Variants in SHISA9 observed in about 807,000 individuals in gnomAD.
SHISA9 encodes the protein shisa family member 9.
A neutral mutation model predicts 38.0 loss-of-function variants in SHISA9; 13 were observed. The ratio of observed to expected loss-of-function variants is 0.34; its 90% CI spans 0.22 to 0.54. The LOEUF is 0.54. SHISA9 is among the 20% of genes least tolerant of loss of function. The pLI, the probability that SHISA9 is intolerant of heterozygous loss-of-function variation, is 0.91. For missense variants in SHISA9, 538 were observed against 575.8 expected, an observed-to-expected ratio of 0.93 and a Z score of 0.67; for synonymous variants, 275 against 242.0, an observed-to-expected ratio of 1.14 and a Z score of -1.27.
At position 13,004,943 on chromosome 16, in the gene SHISA9, GA is replaced by G. The variant is rs59694628; in HGVS notation, c.691+88143del. 1.3e-3 allele frequency among the ~76,000 whole-genome samples: 134 copies of G among 103,758 alleles called. No individual in the cohort carries two copies. In the Middle Eastern group the frequency reaches 0.019, roughly 15 times the overall value. The allele number at this position is 103,758 out of a possible 152,430, so 68.1% of individuals were successfully genotyped here. A position where few individuals can be genotyped will look rare whatever the true frequency, so the allele number is the denominator to read the frequency against. ...GTAAGACTCCATCTCTTAAGAAAAA[GA>G]AAAAAAAAAAAAAAGAAAAAAAGAA... On this transcript the variant is annotated intron_variant, in intron 2 of 4. Transcript: ENST00000558583.
chr16:13,094,165 A>G (rs2073802997), intron 2 of SHISA9, among the ~76,000 whole-genome samples: 1 of 152,198 alleles, frequency 6.6e-6, no homozygotes, highest in Non-Finnish European at 1.5e-5. Context: ...AAAGGAGATA[A>G]GGTAAAGTAT....
rs74014606 is a variant in SHISA9 at position 13,218,438 on chromosome 16, G to T, written c.895+5138G>T. On this transcript the variant is annotated intron_variant, in intron 4 of 4. Transcript: ENST00000558583. ...TTTACATACCGGCGTTCTTCCCAATGTATTTTTGCTGTTTGCTGAAATAAA... is the reference window on the plus strand; with the variant it reads ...TTTACATACCGGCGTTCTTCCCAATTTATTTTTGCTGTTTGCTGAAATAAA... Among the ~76,000 whole-genome samples the T allele has an allele frequency of 3.0e-3, 461 of 152,316 alleles. 6 individuals are homozygous for T. The highest frequency in any genetic ancestry group is 0.011 in the African/African-American group (439 of 41,562).
intron 2 of SHISA9, among the ~76,000 whole-genome samples, chr16:13,196,087 CAAAAAAAAAAAA>C (rs1172680715): frequency 1.4e-4 from 2 of 14,122 alleles, no homozygotes; most frequent in Non-Finnish European, 2.3e-4. Context: ...GACTCTCTCT[CAAAAAAAAAAAA>C]AAAAAAAAAA....
chr16:13,084,595 G>A (rs1399517569), intron 2 of SHISA9, among the ~76,000 whole-genome samples: 1 of 152,188 alleles, frequency 6.6e-6, no homozygotes, highest in Non-Finnish European at 1.5e-5. Context: ...TTACAGTCCA[G>A]TGGGAAAGGC....
chr16:13,374,532 A>G, the SHISA9 span, among the ~76,000 whole-genome samples: 1 of 152,152 alleles, frequency 6.6e-6, no homozygotes, highest in African/African-American at 2.4e-5. Flanking sequence ...TCCATGGTGT[A>G]TATGTGCCAC....
the SHISA9 span, among the ~76,000 whole-genome samples, chr16:13,559,801 G>T: frequency 1.3e-5 from 2 of 152,210 alleles, no homozygotes; most frequent in Admixed American, 1.3e-4. Context: ...CAGAGTGGTT[G>T]TTCAATAAAT....
At chr16:13,558,255 C>G in the SHISA9 span, among the ~76,000 whole-genome samples, 1 of 152,150 alleles carries the variant, frequency 6.6e-6, no homozygotes, top group South Asian at 2.1e-4. Flanking sequence ...TCTCTAAAAT[C>G]CTTTCTAGCA....
the SHISA9 span, among the ~76,000 whole-genome samples, chr16:13,293,966 G>A: frequency 6.6e-6 from 1 of 152,066 alleles, no homozygotes; most frequent in Non-Finnish European, 1.5e-5. Flanking sequence ...GAAGGGTTGG[G>A]GTACCCAGCT....
the SHISA9 span, among the ~76,000 whole-genome samples, chr16:13,380,919 G>A: frequency 2.0e-5 from 3 of 150,596 alleles, no homozygotes; most frequent in Non-Finnish European, 4.4e-5. Flanking sequence ...AACATGTAGT[G>A]TTTGGTTTTC....
chr16:13,306,048 G>C, the SHISA9 span, among the ~76,000 whole-genome samples: 1 of 152,190 alleles, frequency 6.6e-6, no homozygotes, highest in East Asian at 1.9e-4. Context: ...GCAAGGTACA[G>C]AGGTGGCAGA....
At chr16:13,314,531 C>T in the SHISA9 span, among the ~76,000 whole-genome samples, 4 of 152,078 alleles carry the variant, frequency 2.6e-5, no homozygotes, top group East Asian at 3.9e-4. Context: ...TGAACCACCA[C>T]GCCCAGCCTA....
chr16:13,221,052 G>T (rs752038109), intron 4 of SHISA9, among the ~76,000 whole-genome samples: 1 of 151,106 alleles, frequency 6.6e-6, no homozygotes, highest in East Asian at 1.9e-4. Flanking sequence ...AAAAATCACA[G>T]TACCACCGCC....
At chr16:13,189,904 A>T (rs1322309111) in intron 2 of SHISA9, among the ~76,000 whole-genome samples, 1 of 152,058 alleles carries the variant, frequency 6.6e-6, no homozygotes, top group Non-Finnish European at 1.5e-5. Context: ...ACAAAGGAAG[A>T]CTACACGATA....
At chr16:13,539,318 AAAGACAG>A in the SHISA9 span, among the ~76,000 whole-genome samples, 2,545 of 69,282 alleles carry the variant, frequency 0.037, 239 homozygotes, top group Non-Finnish European at 0.046. Flanking sequence ...ATATATATAT[AAAGACAG>A]GATCTTTATA....
At chr16:13,250,886 C>T in the SHISA9 span, among the ~76,000 whole-genome samples, 1 of 152,092 alleles carries the variant, frequency 6.6e-6, no homozygotes, top group African/African-American at 2.4e-5. Flanking sequence ...GATTCAGATG[C>T]TCTGTGGGCT....
chr16:13,411,820 G>A, the SHISA9 span, among the ~76,000 whole-genome samples: 1 of 152,178 alleles, frequency 6.6e-6, no homozygotes, highest in Admixed American at 6.5e-5. Flanking sequence ...TATTCTAGGA[G>A]GCCAGAGCCC....
the SHISA9 span, among the ~76,000 whole-genome samples, chr16:13,374,364 G>A: frequency 3.3e-5 from 5 of 152,092 alleles, no homozygotes; most frequent in African/African-American, 4.8e-5. Flanking sequence ...CCCACCTTGT[G>A]TCCAAGTGTC....
At chr16:13,061,634 A>G (rs553286100) in intron 2 of SHISA9, among the ~76,000 whole-genome samples, 5 of 152,268 alleles carry the variant, frequency 3.3e-5, no homozygotes, top group African/African-American at 7.2e-5. Flanking sequence ...GGTGCTGGAG[A>G]TACAGATGGA....
intron 2 of SHISA9, among the ~76,000 whole-genome samples, chr16:12,949,844 C>G (rs978976148): frequency 1.3e-5 from 2 of 152,116 alleles, no homozygotes; most frequent in African/African-American, 4.8e-5. Flanking sequence ...TCACCTCAAA[C>G]ATTTATTATT....
Sources: gnomAD v4.1 joint callset for allele counts (sites outside exome capture counted in the v4.1 genomes callset) on GRCh38, gnomAD v4.1.1 for gene constraint, MANE v1.5 for transcripts, NCBI Gene and HGNC (gene_info 2026-07-23, HGNC 2026-07-21) for gene names.